Variants in SLC25A37 observed in about 807,000 individuals in gnomAD.
SLC25A37 encodes the protein mitoferrin-1.
A neutral mutation model predicts 31.0 loss-of-function variants in SLC25A37; 17 were observed. The observed-to-expected ratio is 0.55, with a 90% confidence interval of 0.38 to 0.82. SLC25A37 has a LOEUF of 0.82. Ranked by LOEUF, SLC25A37 falls within the 40% of genes least tolerant of loss-of-function variation. The probability of loss-of-function intolerance (pLI) is 0.00; values close to 1 mark genes in which losing one functional copy is unlikely to be tolerated. For synonymous variants in SLC25A37, 222 were observed against 193.0 expected, an observed-to-expected ratio of 1.15 and a Z score of -1.24; for missense variants, 404 against 465.8, an observed-to-expected ratio of 0.87 and a Z score of 1.22.
chr8:23,538,556 T>C (rs997712798), intron 1 of SLC25A37, among the ~76,000 whole-genome samples: 2 of 151,808 alleles, frequency 1.3e-5, no homozygotes, highest in Admixed American at 6.6e-5. Flanking sequence ...TTTGTGTGTG[T>C]GTGTAGAACC....
chr8:23,562,130 G>C (rs1452225501), intron 1 of SLC25A37, among the ~76,000 whole-genome samples: 2 of 151,610 alleles, frequency 1.3e-5, no homozygotes, highest in Non-Finnish European at 3.0e-5. Flanking sequence ...GGAAACCTCA[G>C]GGCTCCAGCC....
intron 1 of SLC25A37, among the ~76,000 whole-genome samples, chr8:23,549,162 T>C (rs955586409): frequency 6.6e-6 from 1 of 152,346 alleles, no homozygotes. Flanking sequence ...GCTCCCTCAG[T>C]TCCAGCAGCC....
intron 1 of SLC25A37, among the ~76,000 whole-genome samples, chr8:23,561,605 G>A (rs547741767): frequency 5.5e-4 from 84 of 152,306 alleles, no homozygotes; most frequent in African/African-American, 1.9e-3. Context: ...CTGGGTGGCT[G>A]TACAGCCTGG....
At chr8:23,571,190 G>T (rs1202772734) in intron 3 of SLC25A37, 145 bp from the exon 4 acceptor site, 4 of 969,638 alleles carry the variant, frequency 4.1e-6, no homozygotes, top group Non-Finnish European at 5.9e-6. Flanking sequence ...GACTAGGGCT[G>T]TGTGTGCTGG....
At chr8:23,569,426 C>CACACACACAT (rs1802761657) in intron 3 of SLC25A37, among the ~76,000 whole-genome samples, 1 of 151,934 alleles carries the variant, frequency 6.6e-6, no homozygotes, top group Non-Finnish European at 1.5e-5. Flanking sequence ...CACACACACA[C>CACACACACAT]ACTCACTCTC....
At chr8:23,553,804 C>CACGG (rs1802292627) in intron 1 of SLC25A37, among the ~76,000 whole-genome samples, 1 of 152,166 alleles carries the variant, frequency 6.6e-6, no homozygotes, top group African/African-American at 2.4e-5. Flanking sequence ...GTGTGACCTC[C>CACGG]ACGGGTCAGG....
intron 3 of SLC25A37, among the ~76,000 whole-genome samples, chr8:23,570,826 GTC>G (rs1802805135): frequency 6.6e-6 from 1 of 152,200 alleles, no homozygotes; most frequent in South Asian, 2.1e-4. Context: ...TAATTCTAGT[GTC>G]TGTTCCAAAC....
At chr8:23,554,014 G>T (rs918639510) in intron 1 of SLC25A37, among the ~76,000 whole-genome samples, 1 of 150,848 alleles carries the variant, frequency 6.6e-6, no homozygotes. Flanking sequence ...GGAAGTTGAA[G>T]ATCACCTGGG....
chr8:23,568,648 G>A, intron 3 of SLC25A37: 1 of 461,468 alleles, frequency 2.2e-6, no homozygotes, highest in Non-Finnish European at 4.0e-6. Context: ...TGTTGGAAAT[G>A]CTAATTCTGA....
intron 1 of SLC25A37, among the ~76,000 whole-genome samples, chr8:23,546,363 C>A (rs1802037701): frequency 6.6e-6 from 1 of 151,444 alleles, no homozygotes; most frequent in South Asian, 2.1e-4. Context: ...GAAGGGTTAT[C>A]TGTGAAAGGA....
chr8:23,560,449 T>A (rs1802486584), intron 1 of SLC25A37, among the ~76,000 whole-genome samples: 1 of 152,180 alleles, frequency 6.6e-6, no homozygotes, highest in Non-Finnish European at 1.5e-5. Flanking sequence ...TGGTGGTTCG[T>A]TTCCTCCTCC....
chr8:23,546,136 A>C (rs1207701127), intron 1 of SLC25A37, among the ~76,000 whole-genome samples: 1 of 125,090 alleles, frequency 8.0e-6, no homozygotes, highest in Non-Finnish European at 1.6e-5. Flanking sequence ...ACTCTGTCTC[A>C]AGAAAAAAAA....
chr8:23,572,010 C>G lies in SLC25A37; in HGVS notation c.*155C>G, dbSNP rs2117472073. On this transcript the variant is annotated 3_prime_UTR_variant, in exon 4 of 4. Transcript: ENST00000519973. The stretch of plus-strand genomic sequence containing the variant: ...TAGAGAGAGGAGGGGACGGCACGGC[C>G]GCTCACCGGAAGGCTGTGTGCGGGG... The G allele has an allele frequency of 7.3e-6, 6 of 823,742 alleles. No individual in the cohort carries two copies. In the East Asian group the frequency reaches 1.3e-4, roughly 18 times the overall value. The allele number at this position is 823,742 out of a possible 1,614,324, so 51.0% of individuals were successfully genotyped here.
At chr8:23,539,468 T>C (rs1801845859) in intron 1 of SLC25A37, among the ~76,000 whole-genome samples, 1 of 151,224 alleles carries the variant, frequency 6.6e-6, no homozygotes, top group African/African-American at 2.4e-5. Context: ...AAGGGTGCAT[T>C]TGAGACACTG....
intron 1 of SLC25A37, among the ~76,000 whole-genome samples, chr8:23,555,090 G>C (rs1802327530): frequency 6.6e-6 from 1 of 152,120 alleles, no homozygotes; most frequent in African/African-American, 2.4e-5. Flanking sequence ...GTCTGAGGCT[G>C]CTTCTCTACC....
Position 23,574,093 on chromosome 8 carries a change from G to A in SLC25A37, c.*2238G>A. On this transcript the variant is annotated 3_prime_UTR_variant, in exon 4 of 4. Coordinates refer to ENST00000519973, the MANE Select transcript of SLC25A37 (RefSeq NM_016612.4). ...ACGCTGAAGCAAGGTATTTCCTACT[G>A]GATTTTGCTTTCACTGGTGTTTAGA... 2 of 330,486 alleles carry A rather than the reference G, an allele frequency of 6.1e-6. No individual in the cohort carries two copies. The highest frequency in any genetic ancestry group is 1.2e-5 in the Non-Finnish European group (2 of 164,410). 20.5% of individuals were successfully genotyped at this position (330,486 alleles called of 1,614,324 possible).
At chr8:23,560,459 C>G (rs937544078) in intron 1 of SLC25A37, among the ~76,000 whole-genome samples, 1 of 152,182 alleles carries the variant, frequency 6.6e-6, no homozygotes, top group South Asian at 2.1e-4. Context: ...TTTCCTCCTC[C>G]TGTTATCATA....
intron 1 of SLC25A37, among the ~76,000 whole-genome samples, chr8:23,554,345 C>G (rs745764880): frequency 6.6e-6 from 1 of 152,214 alleles, no homozygotes; most frequent in Non-Finnish European, 1.5e-5. Context: ...CCCTGTCCCT[C>G]TTACCAGGGC....
At chr8:23,566,969 G>A (rs558664479) in intron 2 of SLC25A37, 3 of 426,026 alleles carry the variant, frequency 7.0e-6, no homozygotes, top group South Asian at 9.7e-5. Flanking sequence ...TTGTTTGGTT[G>A]TTTTGAGGGA....
Sources: gnomAD v4.1 joint callset for allele counts (sites outside exome capture counted in the v4.1 genomes callset) on GRCh38, gnomAD v4.1.1 for gene constraint, MANE v1.5 for transcripts, NCBI Gene and HGNC (gene_info 2026-07-23, HGNC 2026-07-21) for gene names.